Variants in SYNE1 observed in about 807,000 individuals in gnomAD.
SYNE1 encodes nesprin-1.
A neutral mutation model predicts 1,111.0 loss-of-function variants in SYNE1; 616 were observed. The ratio of observed to expected loss-of-function variants is 0.55; its 90% CI spans 0.52 to 0.59. The LOEUF (loss-of-function observed/expected upper bound fraction) is 0.59. Ranked by LOEUF, SYNE1 falls within the 20% of genes least tolerant of loss-of-function variation. The pLI is 0.00. For synonymous variants in SYNE1, 3,855 were observed against 3,825.8 expected (o/e 1.01, Z -0.28); for missense variants, 10,006 against 10,417.0 (o/e 0.96, Z 1.72).
intron 94 of SYNE1, 70 bp downstream of exon 94, chr6:152,293,890 T>C: frequency 6.2e-7 from 1 of 1,611,004 alleles, no homozygotes; most frequent in South Asian, 1.1e-5. Context: ...TCTCTGCATG[T>C]ATTTCATAAG....
intron 138 of SYNE1, among the ~76,000 whole-genome samples, chr6:152,141,587 T>C (rs2058564817): frequency 6.6e-6 from 1 of 151,872 alleles, no homozygotes; most frequent in South Asian, 2.1e-4. Flanking sequence ...CAAAACTCTG[T>C]CTCTACAAAA....
At position 152,401,220 on chromosome 6, in the gene SYNE1, A is replaced by C; in HGVS notation, c.6947T>G (p.Ile2316Arg). 1 of 1,614,124 alleles carries C rather than the reference A, an allele frequency of 6.2e-7. No individual in the cohort carries two copies. The highest frequency in any genetic ancestry group is 8.5e-7 in the Non-Finnish European group (1 of 1,180,004). Residue 2316 changes from isoleucine to arginine, a missense_variant, in exon 47 of 146, where the codon ATA (isoleucine) becomes AGA (arginine). Physicochemically the swap from Ile to Arg is moderately conservative, Grantham distance 97 (BLOSUM62 -3). Transcript: ENST00000367255. ...TTCCACTTTTGTGAACCATGTTGTT[A>C]TGTCATTAATAAACTTCTCCACTTG... ...STQVEKFIND[I>R]TTWFTKVEES...
chr6:152,308,370 A>G, intron 91 of SYNE1, 119 bp downstream of exon 91: 11 of 1,431,706 alleles, frequency 7.7e-6, no homozygotes, highest in Non-Finnish European at 1.1e-5. Context: ...GCCTCTCAAG[A>G]GTTGAACACA....
In SYNE1 at chr6:152,481,362, C is replaced by T. The variant is rs574633677; in HGVS notation, c.1350+1723G>A. On this transcript the variant is annotated intron_variant, in intron 14 of 145. Coordinates refer to ENST00000367255, the MANE Select transcript of SYNE1 (RefSeq NM_182961.4). ...CTACCATGCCTATTTGCTGAATTAA[C>T]GTATTTAATTCTCAATAAATATACA... is the stretch of plus-strand genomic sequence containing the variant. Among the ~76,000 whole-genome samples, 9 of 152,148 alleles carry T rather than the reference C, an allele frequency of 5.9e-5. No homozygotes were observed. The South Asian group carries it at 1.7e-3, about 28-fold the overall frequency.
At chr6:152,549,475 T>C (rs1436453713) in intron 3 of SYNE1, among the ~76,000 whole-genome samples, 1 of 152,096 alleles carries the variant, frequency 6.6e-6, no homozygotes, top group African/African-American at 2.4e-5. Context: ...GAGGGGTCCT[T>C]CTCCTCCTCC....
intron 82 of SYNE1, among the ~76,000 whole-genome samples, chr6:152,322,497 G>T (rs756171736): frequency 3.9e-4 from 59 of 152,158 alleles, no homozygotes; most frequent in Non-Finnish European, 6.9e-4. Context: ...GTGAGTCAGG[G>T]CTGGTTATAC....
At chr6:152,441,021 T>C in intron 32 of SYNE1, 109 bp downstream of exon 32, 1 of 1,325,838 alleles carries the variant, frequency 7.5e-7, no homozygotes, top group Non-Finnish European at 1.1e-6. Flanking sequence ...AAATAGTAAG[T>C]ATTGATTAAA....
intron 111 of SYNE1, 138 bp downstream of exon 111, chr6:152,234,530 T>A: frequency 1.0e-6 from 1 of 960,670 alleles, no homozygotes; most frequent in Non-Finnish European, 1.7e-6. Flanking sequence ...CCTGACCTCG[T>A]GATCTGACTG....
At chr6:152,474,358 C>G (rs1362094486) in intron 14 of SYNE1, among the ~76,000 whole-genome samples, 2 of 152,120 alleles carry the variant, frequency 1.3e-5, no homozygotes, top group East Asian at 3.9e-4. Context: ...AAACATGACC[C>G]AAAAACTAGA....
chr6:152,535,556 C>T (rs992209429), intron 4 of SYNE1, among the ~76,000 whole-genome samples: 3 of 152,038 alleles, frequency 2.0e-5, no homozygotes, highest in African/African-American at 7.2e-5. Flanking sequence ...CCTCAAAGGG[C>T]TTAGTGACAA....
intron 78 of SYNE1, 41 bp from the exon 79 acceptor site, chr6:152,326,674 C>T (rs1261383827): frequency 1.3e-6 from 2 of 1,580,688 alleles, no homozygotes; most frequent in Admixed American, 3.4e-5. Context: ...CTCTCCTTTG[C>T]AATGTGTTTG....
intron 29 of SYNE1, 92 bp downstream of exon 29, chr6:152,447,366 A>G: frequency 7.1e-7 from 1 of 1,406,148 alleles, no homozygotes; most frequent in Non-Finnish European, 9.8e-7. Flanking sequence ...GTTTCTTTAT[A>G]AAATTACTTG....
intron 3 of SYNE1, among the ~76,000 whole-genome samples, chr6:152,604,341 C>T (rs1234439873): frequency 6.6e-6 from 1 of 152,084 alleles, no homozygotes; most frequent in Non-Finnish European, 1.5e-5. Flanking sequence ...CTCACTCTGT[C>T]ACCCAGGCTG....
At chr6:152,552,148 A>G (rs1366570743) in intron 3 of SYNE1, among the ~76,000 whole-genome samples, 2 of 152,174 alleles carry the variant, frequency 1.3e-5, no homozygotes, top group Admixed American at 1.3e-4. Flanking sequence ...GGGGGGAGAA[A>G]AGCTGGTCAC....
intron 112 of SYNE1, among the ~76,000 whole-genome samples, chr6:152,233,300 G>C (rs2083209987): frequency 1.3e-5 from 2 of 151,174 alleles, no homozygotes; most frequent in African/African-American, 4.9e-5. Flanking sequence ...CAGAGGAAAT[G>C]CCTTTGGGGC....
At chr6:152,581,898 C>T (rs1296287660) in intron 3 of SYNE1, among the ~76,000 whole-genome samples, 1 of 152,156 alleles carries the variant, frequency 6.6e-6, no homozygotes, top group African/African-American at 2.4e-5. Flanking sequence ...CTTGTGAACA[C>T]TAGATTAATT....
intron 105 of SYNE1, among the ~76,000 whole-genome samples, chr6:152,248,055 T>C (rs1193029836): frequency 6.6e-6 from 1 of 152,190 alleles, no homozygotes; most frequent in African/African-American, 2.4e-5. Flanking sequence ...TGCATTTTCA[T>C]GCCATCATGC....
intron 131 of SYNE1, among the ~76,000 whole-genome samples, chr6:152,156,314 A>G (rs1223445584): frequency 6.6e-6 from 1 of 152,216 alleles, no homozygotes; most frequent in Non-Finnish European, 1.5e-5. Context: ...AGCAATGCCA[A>G]AATATAAACT....
At chr6:152,520,929 G>A (rs1377604939) in intron 5 of SYNE1, among the ~76,000 whole-genome samples, 1 of 152,028 alleles carries the variant, frequency 6.6e-6, no homozygotes, top group Admixed American at 6.6e-5. Context: ...CCCAGAACCT[G>A]CAACCTAAAA....
Sources: gnomAD v4.1 joint callset for allele counts (sites outside exome capture counted in the v4.1 genomes callset) on GRCh38, gnomAD v4.1.1 for gene constraint, MANE v1.5 for transcripts, NCBI Gene and HGNC (gene_info 2026-07-23, HGNC 2026-07-21) for gene names.